Variants in SNTG2 observed in about 807,000 individuals in gnomAD.
SNTG2 encodes the protein syntrophin gamma 2, also known as gamma-2-syntrophin.
A neutral mutation model predicts 70.9 loss-of-function variants in SNTG2; 74 were observed. The ratio of observed to expected loss-of-function variants is 1.04; its 90% CI spans 0.86 to 1.27. The LOEUF is 1.27. Among genes scored for constraint, SNTG2 ranks in the 50% most tolerant of loss-of-function variants. The pLI is 0.00. For synonymous variants in SNTG2, 278 were observed against 273.8 expected (o/e 1.02, Z -0.15); for missense variants, 717 against 690.7 (o/e 1.04, Z -0.43).
At chr2:1,123,713 A>G (rs1161461053) in intron 4 of SNTG2, among the ~76,000 whole-genome samples, 1 of 152,248 alleles carries the variant, frequency 6.6e-6, no homozygotes, top group African/African-American at 2.4e-5. Context: ...AAATTGGACT[A>G]CATCAAACTG....
intron 11 of SNTG2, among the ~76,000 whole-genome samples, chr2:1,244,056 G>T (rs899060418): frequency 5.3e-5 from 8 of 152,312 alleles, no homozygotes; most frequent in African/African-American, 1.7e-4. Context: ...GGTGGCTGGG[G>T]AAGTGGAGGA....
intron 1 of SNTG2, among the ~76,000 whole-genome samples, chr2:1,032,047 A>C (rs1660867977): frequency 6.6e-6 from 1 of 152,234 alleles, no homozygotes; most frequent in South Asian, 2.1e-4. Flanking sequence ...ATATATAATT[A>C]AAGTAATTAT....
intron 1 of SNTG2, among the ~76,000 whole-genome samples, chr2:1,044,786 G>A (rs909060332): frequency 6.6e-6 from 1 of 152,070 alleles, no homozygotes; most frequent in African/African-American, 2.4e-5. Flanking sequence ...GCTGGATTTA[G>A]TTTGCTAGTA....
chr2:1,325,198 A>G (rs532876487), intron 16 of SNTG2, among the ~76,000 whole-genome samples: 1 of 152,326 alleles, frequency 6.6e-6, no homozygotes, highest in East Asian at 1.9e-4. Flanking sequence ...ACAAAAGAAA[A>G]TAGACTTTTA....
At chr2:1,106,085 A>G (rs1666119648) in intron 4 of SNTG2, among the ~76,000 whole-genome samples, 1 of 140,894 alleles carries the variant, frequency 7.1e-6, no homozygotes, top group Non-Finnish European at 1.5e-5. Flanking sequence ...ACCTGCTGTC[A>G]CTCGGGTGCA....
chr2:1,351,546 T>C (rs562024599), intron 16 of SNTG2, among the ~76,000 whole-genome samples: 42 of 152,112 alleles, frequency 2.8e-4, no homozygotes, highest in African/African-American at 9.9e-4. Flanking sequence ...TCTGAACAGG[T>C]AGAAGAAAGA....
chr2:1,307,109 G>T (rs1680717666), intron 14 of SNTG2, among the ~76,000 whole-genome samples: 1 of 150,644 alleles, frequency 6.6e-6, no homozygotes, highest in South Asian at 2.1e-4. Flanking sequence ...CTGTGTGTGT[G>T]TGGTGTGTGA....
intron 1 of SNTG2, among the ~76,000 whole-genome samples, chr2:982,496 T>A (rs1026961145): frequency 6.6e-6 from 1 of 152,184 alleles, no homozygotes; most frequent in Non-Finnish European, 1.5e-5. Context: ...TTTCTAGGTT[T>A]TTTGTGTTCC....
intron 1 of SNTG2, among the ~76,000 whole-genome samples, chr2:1,077,895 C>T (rs1216126736): frequency 6.6e-6 from 1 of 152,054 alleles, no homozygotes; most frequent in African/African-American, 2.4e-5. Flanking sequence ...CCAGGGATGT[C>T]ATACACCCTA....
chr2:1,201,299 A>C (rs1384739910), intron 8 of SNTG2, among the ~76,000 whole-genome samples: 1 of 152,020 alleles, frequency 6.6e-6, no homozygotes, highest in Non-Finnish European at 1.5e-5. Flanking sequence ...AGGCACAGAA[A>C]GACAAATATC....
intron 1 of SNTG2, among the ~76,000 whole-genome samples, chr2:993,052 G>A (rs1330505321): frequency 7.0e-6 from 1 of 143,434 alleles, no homozygotes; most frequent in African/African-American, 2.6e-5. Context: ...TGGTCATACA[G>A]TTGGTCTTTT....
chr2:1,213,946 T>G (rs1264784056), intron 9 of SNTG2, among the ~76,000 whole-genome samples: 1 of 152,214 alleles, frequency 6.6e-6, no homozygotes, highest in Admixed American at 6.5e-5. Flanking sequence ...GAGATAAGCT[T>G]CTGGTTTCAT....
intron 10 of SNTG2, among the ~76,000 whole-genome samples, chr2:1,238,248 T>G (rs1344691190): frequency 1.3e-5 from 2 of 151,826 alleles, no homozygotes; most frequent in Non-Finnish European, 2.9e-5. Context: ...GGTTTTGTCT[T>G]CCTCCTCCCC....
At chr2:1,149,421 G>A (rs543073829) in intron 6 of SNTG2, among the ~76,000 whole-genome samples, 1 of 152,326 alleles carries the variant, frequency 6.6e-6, no homozygotes, top group South Asian at 2.1e-4. Context: ...ACACACAGGA[G>A]AAAGGAAGCA....
chr2:1,143,894 C>CG (rs1012790482), intron 6 of SNTG2, among the ~76,000 whole-genome samples: 17 of 144,130 alleles, frequency 1.2e-4, no homozygotes, highest in Non-Finnish European at 2.5e-4. Flanking sequence ...AACCCCCCCC[C>CG]AGAAAAAGAA....
At chr2:1,213,056 C>T (rs1674149944) in intron 9 of SNTG2, among the ~76,000 whole-genome samples, 1 of 152,154 alleles carries the variant, frequency 6.6e-6, no homozygotes, top group Non-Finnish European at 1.5e-5. Context: ...AAGTATAGGA[C>T]CTCAATCTAT....
intron 13 of SNTG2, among the ~76,000 whole-genome samples, chr2:1,265,343 CGTACACACACATTCAT>C: frequency 6.6e-6 from 1 of 152,360 alleles, no homozygotes; most frequent in East Asian, 1.9e-4. Context: ...CACACATTCA[CGTACACACACATTCAT>C]GTTCACATAC....
At chr2:1,214,242 G>C (rs1194228690) in intron 9 of SNTG2, among the ~76,000 whole-genome samples, 2 of 152,044 alleles carry the variant, frequency 1.3e-5, no homozygotes, top group African/African-American at 4.8e-5. Context: ...GTGTTTTATG[G>C]TTCCATATAC....
intron 2 of SNTG2, among the ~76,000 whole-genome samples, chr2:1,086,948 A>G (rs1314817633): frequency 6.6e-6 from 1 of 152,206 alleles, no homozygotes; most frequent in Non-Finnish European, 1.5e-5. Context: ...TGAAGTATAA[A>G]CAGAGCTGAA....
Sources: gnomAD v4.1 joint callset for allele counts (sites outside exome capture counted in the v4.1 genomes callset) on GRCh38, gnomAD v4.1.1 for gene constraint, MANE v1.5 for transcripts, NCBI Gene and HGNC (gene_info 2026-07-23, HGNC 2026-07-21) for gene names.